Variants in PRKCA observed in about 807,000 individuals in gnomAD.
PRKCA encodes the protein protein kinase C alpha.
In PRKCA, 27 loss-of-function variants were observed where a neutral mutation model predicts 87.0. That is an observed-to-expected ratio of 0.31 (90% CI 0.23 to 0.43). PRKCA has a LOEUF of 0.43. Among genes scored for constraint, PRKCA ranks in the 20% least tolerant of loss-of-function variants. The probability of loss-of-function intolerance (pLI) is 1.00; values close to 1 mark genes in which losing one functional copy is unlikely to be tolerated. For missense variants in PRKCA, 518 were observed against 852.3 expected (o/e 0.61, Z 4.88); for synonymous variants, 329 against 311.1 (o/e 1.06, Z -0.61).
chr17:66,785,647 T>C (rs547241893), intron 14 of PRKCA, among the ~76,000 whole-genome samples: 3 of 152,286 alleles, frequency 2.0e-5, no homozygotes, highest in African/African-American at 7.2e-5. Flanking sequence ...GAGGAAAAAG[T>C]TCAAAGGGCA....
In PRKCA at chr17:66,646,954, A is replaced by G. The variant is rs1300089396; in HGVS notation, c.529+1443A>G. ...TTAGAGAAATTCTTTTATTTTCTCAAGACCATCCCTATTGTGCCATTGCCT... is the reference window on the plus strand; with the variant it reads ...TTAGAGAAATTCTTTTATTTTCTCAGGACCATCCCTATTGTGCCATTGCCT... On this transcript the variant is annotated intron_variant, in intron 5 of 16. Coordinates refer to ENST00000413366, the MANE Select transcript of PRKCA (RefSeq NM_002737.3). Among the ~76,000 whole-genome samples the G allele has an allele frequency of 2.0e-5, 3 of 152,230 alleles. No homozygotes were observed. In the East Asian group the frequency reaches 5.8e-4, roughly 29 times the overall value.
At chr17:66,639,338 G>A (rs1023300512) in intron 3 of PRKCA, 3 of 152,202 alleles carry the variant, frequency 2.0e-5, no homozygotes, top group African/African-American at 7.2e-5. Context: ...TTAGTACTTG[G>A]ATGGGAGACA....
intron 6 of PRKCA, 70 bp from the exon 7 acceptor site, chr17:66,688,232 A>G: frequency 1.9e-6 from 3 of 1,574,442 alleles, no homozygotes; most frequent in Non-Finnish European, 2.6e-6. Flanking sequence ...CTCGAGTCAT[A>G]TACATGTGGT....
chr17:66,628,169 G>A (rs910123308), intron 3 of PRKCA, among the ~76,000 whole-genome samples: 3 of 152,028 alleles, frequency 2.0e-5, no homozygotes, highest in East Asian at 3.9e-4. Flanking sequence ...ACAGACCTCT[G>A]CCTCTCGGTG....
intron 3 of PRKCA, among the ~76,000 whole-genome samples, chr17:66,634,987 C>T (rs1418604824): frequency 6.6e-6 from 1 of 152,124 alleles, no homozygotes; most frequent in Non-Finnish European, 1.5e-5. Context: ...AAATAAAATG[C>T]TCTGGAAGGT....
intron 2 of PRKCA, among the ~76,000 whole-genome samples, chr17:66,386,620 C>T (rs1055918361): frequency 6.6e-6 from 1 of 152,202 alleles, no homozygotes; most frequent in African/African-American, 2.4e-5. Flanking sequence ...GTATGGCTGC[C>T]TGTGCCTTTG....
intron 3 of PRKCA, among the ~76,000 whole-genome samples, chr17:66,638,813 ACT>A (rs1053141405): frequency 1.2e-4 from 18 of 152,008 alleles, no homozygotes; most frequent in African/African-American, 4.1e-4. Context: ...GTGCCACTGC[ACT>A]CTAGCCTGGG....
intron 5 of PRKCA, among the ~76,000 whole-genome samples, chr17:66,660,706 G>A (rs187641909): frequency 1.1e-4 from 16 of 151,900 alleles, no homozygotes; most frequent in Middle Eastern, 3.4e-3. Flanking sequence ...TGGCTAACAC[G>A]GTGAAAACCT....
intron 3 of PRKCA, among the ~76,000 whole-genome samples, chr17:66,544,091 TG>T: frequency 6.6e-6 from 1 of 152,248 alleles, no homozygotes; most frequent in Middle Eastern, 3.4e-3. Context: ...GGTGCACACC[TG>T]TAGTCCCTGC....
intron 14 of PRKCA, chr17:66,774,436 C>A: frequency 1.2e-6 from 1 of 864,276 alleles, no homozygotes; most frequent in Non-Finnish European, 1.5e-6. Flanking sequence ...CCCTGGCCAA[C>A]ATGGCGAAAC....
chr17:66,553,464 T>A (rs1968403822), intron 3 of PRKCA, among the ~76,000 whole-genome samples: 1 of 152,242 alleles, frequency 6.6e-6, no homozygotes, highest in Admixed American at 6.5e-5. Context: ...TCTTGAATAC[T>A]CCTCCCTGCC....
intron 13 of PRKCA, among the ~76,000 whole-genome samples, chr17:66,742,980 GTGAGCCAGT>G (rs1331562513): frequency 2.6e-5 from 4 of 152,238 alleles, no homozygotes; most frequent in Non-Finnish European, 4.4e-5. Context: ...TTTGCTCCAT[GTGAGCCAGT>G]TGCTTGGGAA....
chr17:66,381,390 T>G (rs1262041108), intron 2 of PRKCA, among the ~76,000 whole-genome samples: 1 of 152,196 alleles, frequency 6.6e-6, no homozygotes, highest in East Asian at 1.9e-4. Flanking sequence ...TTTGTTTGGA[T>G]GGATGACCTG....
intron 2 of PRKCA, among the ~76,000 whole-genome samples, chr17:66,365,941 G>A (rs1254140558): frequency 6.6e-6 from 1 of 152,178 alleles, no homozygotes; most frequent in Non-Finnish European, 1.5e-5. Context: ...TTTCAAATAG[G>A]CAACTGTTGT....
chr17:66,767,370 G>A (rs942926341), intron 13 of PRKCA, among the ~76,000 whole-genome samples: 3 of 152,122 alleles, frequency 2.0e-5, no homozygotes, highest in South Asian at 2.1e-4. Flanking sequence ...GAGTGAAGAC[G>A]GACTGTAATA....
Position 66,578,903 on chromosome 17 carries a change from C to T in PRKCA, c.289-62452C>T, listed in dbSNP as rs978154330. Among the ~76,000 whole-genome samples, 28 of 152,230 alleles carry T rather than the reference C, an allele frequency of 1.8e-4. 1 individual carries two copies. The highest frequency in any genetic ancestry group is 6.0e-4 in the African/African-American group (25 of 41,466). ...CTGTTTCGACCTGTGGGTGGCTCCC[C>T]GCGCAGCTCGCCAGGCAGGCCTCTG... On this transcript the variant is annotated intron_variant, in intron 3 of 16. Coordinates refer to ENST00000413366, the MANE Select transcript of PRKCA (RefSeq NM_002737.3).
intron 13 of PRKCA, among the ~76,000 whole-genome samples, chr17:66,759,215 G>C (rs1378257142): frequency 2.0e-5 from 3 of 151,974 alleles, no homozygotes; most frequent in African/African-American, 7.2e-5. Flanking sequence ...AATTAGCCGG[G>C]CGTGGTGGCG....
At chr17:66,609,828 A>C (rs913552821) in intron 3 of PRKCA, among the ~76,000 whole-genome samples, 1 of 152,066 alleles carries the variant, frequency 6.6e-6, no homozygotes, top group Admixed American at 6.5e-5. Flanking sequence ...AAGAATTTGT[A>C]TTGCAGGAAA....
In PRKCA at chr17:66,698,079, C is replaced by T. The variant is rs145306043; in HGVS notation, c.918+9032C>T. Among the ~76,000 whole-genome samples, 21 of 152,316 alleles carry T rather than the reference C, an allele frequency of 1.4e-4. No homozygotes were observed. The East Asian group carries it at 4.1e-3, about 29-fold the overall frequency. ...TTAAGAAAGTCTCATTATCCATAGA[C>T]AGGCTGACTGGTGAAGGCATTTCTC... On this transcript the variant is annotated intron_variant, in intron 8 of 16. Coordinates refer to ENST00000413366, the MANE Select transcript of PRKCA (RefSeq NM_002737.3).
Sources: gnomAD v4.1 joint callset for allele counts (sites outside exome capture counted in the v4.1 genomes callset) on GRCh38, gnomAD v4.1.1 for gene constraint, MANE v1.5 for transcripts, NCBI Gene and HGNC (gene_info 2026-07-23, HGNC 2026-07-21) for gene names.